The following CEP112 variants were observed in gnomAD, a reference collection of about 807,000 sequenced individuals.
CEP112 encodes centrosomal protein 112.
Under a neutral mutation model 153.0 loss-of-function variants are expected in CEP112, and 127 were observed. The ratio of observed to expected loss-of-function variants is 0.83; its 90% CI spans 0.72 to 0.96. The LOEUF (loss-of-function observed/expected upper bound fraction) is 0.96, where lower values mean the gene tolerates loss of function less well. CEP112 is among the 40% of genes least tolerant of loss of function. The probability of loss-of-function intolerance (pLI) is 0.00; values close to 1 mark genes in which losing one functional copy is unlikely to be tolerated. For missense variants in CEP112, 1,089 were observed against 1,101.2 expected (o/e 0.99, Z 0.16); for synonymous variants, 358 against 374.4 (o/e 0.96, Z 0.51).
At chr17:65,823,964 C>A (rs996617087) in intron 21 of CEP112, among the ~76,000 whole-genome samples, 1 of 152,140 alleles carries the variant, frequency 6.6e-6, no homozygotes, top group Non-Finnish European at 1.5e-5. Flanking sequence ...ATGAAGGGTG[C>A]AACCTAACTG....
At chr17:65,646,514 G>A (rs1017802196) in intron 24 of CEP112, among the ~76,000 whole-genome samples, 5 of 152,064 alleles carry the variant, frequency 3.3e-5, no homozygotes, top group African/African-American at 9.7e-5. Flanking sequence ...AAATTATCAC[G>A]AGCAAACATT....
chr17:65,669,920 A>G (rs2046897821), intron 24 of CEP112, among the ~76,000 whole-genome samples: 1 of 146,358 alleles, frequency 6.8e-6, no homozygotes, highest in African/African-American at 2.5e-5. Flanking sequence ...AAAAAAAAAA[A>G]GAGAGAAAAA....
intron 23 of CEP112, among the ~76,000 whole-genome samples, chr17:65,724,289 A>C (rs1255731087): frequency 6.6e-6 from 1 of 152,192 alleles, no homozygotes; most frequent in East Asian, 1.9e-4. Flanking sequence ...CATACACTTG[A>C]AAAACATGAT....
chr17:66,108,323 T>G (rs895602941), intron 6 of CEP112, among the ~76,000 whole-genome samples: 3 of 152,054 alleles, frequency 2.0e-5, no homozygotes, highest in Non-Finnish European at 2.9e-5. Flanking sequence ...GTCAAAAAGC[T>G]TCTGCACAAC....
chr17:65,830,804 A>G (rs907648535), intron 21 of CEP112, among the ~76,000 whole-genome samples: 10 of 152,238 alleles, frequency 6.6e-5, no homozygotes, highest in Admixed American at 1.3e-4. Context: ...CAGGTCAGCA[A>G]GGTAGTTCAA....
chr17:65,808,498 C>A (rs2055748243), intron 21 of CEP112, among the ~76,000 whole-genome samples: 1 of 152,124 alleles, frequency 6.6e-6, no homozygotes, highest in South Asian at 2.1e-4. Context: ...GTGTCCCCAA[C>A]CAAATTTCAT....
chr17:65,748,663 A>G (rs914043558), intron 22 of CEP112, among the ~76,000 whole-genome samples: 1 of 152,216 alleles, frequency 6.6e-6, no homozygotes, highest in African/African-American at 2.4e-5. Flanking sequence ...TGAGGTTAGT[A>G]CTGCTCCTCC....
At chr17:65,665,503 C>T (rs1280973812) in intron 24 of CEP112, among the ~76,000 whole-genome samples, 23 of 152,176 alleles carry the variant, frequency 1.5e-4, no homozygotes, top group African/African-American at 2.7e-4. Flanking sequence ...GGATACTGCG[C>T]GAGGTTCTGT....
At chr17:65,929,860 A>T (rs2061062018) in intron 18 of CEP112, among the ~76,000 whole-genome samples, 1 of 152,208 alleles carries the variant, frequency 6.6e-6, no homozygotes, top group Admixed American at 6.5e-5. Context: ...AAAATAAATA[A>T]AAGCATGTTG....
At position 66,002,190 on chromosome 17, in the gene CEP112, C is replaced by A. The variant is rs560860079; in HGVS notation, c.1736+3500G>T. Among the ~76,000 whole-genome samples, 7 of 135,838 alleles carry A rather than the reference C, an allele frequency of 5.2e-5. No individual in the cohort carries two copies. The South Asian group carries it at 2.0e-3, about 39-fold the overall frequency. 89.1% of individuals were successfully genotyped at this position (135,838 alleles called of 152,430 possible). On this transcript the variant is annotated intron_variant, in intron 17 of 26. Coordinates refer to ENST00000535342, the MANE Select transcript of CEP112 (RefSeq NM_001199165.4). ...GAGCTCTAAACCAAAGATGAGTTGA[C>A]AGTTTCAATTGCTTGGAGAGAGTAT...
chr17:66,166,654 T>C (rs902024232), intron 4 of CEP112, among the ~76,000 whole-genome samples: 2 of 152,050 alleles, frequency 1.3e-5, no homozygotes, highest in African/African-American at 2.4e-5. Flanking sequence ...TCCCAGCACT[T>C]TGGGAGGCCG....
intron 17 of CEP112, among the ~76,000 whole-genome samples, chr17:65,990,212 AG>A (rs1015409290): frequency 2.7e-4 from 41 of 152,358 alleles, no homozygotes; most frequent in African/African-American, 9.9e-4. Context: ...TCCAATAAAA[AG>A]GCATAGAGTG....
At chr17:66,168,175 A>C (rs1273582833) in intron 4 of CEP112, among the ~76,000 whole-genome samples, 1 of 152,102 alleles carries the variant, frequency 6.6e-6, no homozygotes, top group Non-Finnish European at 1.5e-5. Flanking sequence ...ACGTTTTTAA[A>C]TGTACACTCC....
intron 23 of CEP112, among the ~76,000 whole-genome samples, chr17:65,719,301 G>A (rs1382947965): frequency 6.6e-6 from 1 of 152,314 alleles, no homozygotes; most frequent in East Asian, 1.9e-4. Flanking sequence ...TAGTCCGGGC[G>A]CAGGGGCTCA....
chr17:66,032,698 A>C (rs2065541910), intron 12 of CEP112, among the ~76,000 whole-genome samples: 1 of 152,206 alleles, frequency 6.6e-6, no homozygotes, highest in African/African-American at 2.4e-5. Flanking sequence ...TTTGGCAATT[A>C]ATCACAAAAT....
intron 4 of CEP112, among the ~76,000 whole-genome samples, 195 bp downstream of exon 4, chr17:66,174,849 C>T (rs1052001221): frequency 1.3e-5 from 2 of 151,918 alleles, no homozygotes; most frequent in Admixed American, 1.3e-4. Context: ...GACCACTTGT[C>T]AAGCAATCAA....
intron 2 of CEP112, 71 bp downstream of exon 2, chr17:66,183,123 T>C (rs1187074589): frequency 6.6e-6 from 7 of 1,059,306 alleles, no homozygotes; most frequent in African/African-American, 1.6e-5. Flanking sequence ...TGTTGATAGT[T>C]CATTGGTTTG....
intron 20 of CEP112, among the ~76,000 whole-genome samples, chr17:65,877,610 C>T (rs184391021): frequency 1.2e-4 from 18 of 152,236 alleles, no homozygotes; most frequent in African/African-American, 3.6e-4. Context: ...TAAGACAATA[C>T]CATGCAAACT....
At chr17:65,948,097 C>A (rs1039810380) in intron 18 of CEP112, among the ~76,000 whole-genome samples, 3 of 152,058 alleles carry the variant, frequency 2.0e-5, no homozygotes, top group African/African-American at 7.2e-5. Flanking sequence ...AATTCAATAA[C>A]AATAATAGGA....
Sources: gnomAD v4.1 joint callset for allele counts (sites outside exome capture counted in the v4.1 genomes callset) on GRCh38, gnomAD v4.1.1 for gene constraint, MANE v1.5 for transcripts, NCBI Gene and HGNC (gene_info 2026-07-23, HGNC 2026-07-21) for gene names.